RAB27A: variants seen among roughly 807,000 people sequenced by gnomAD.
RAB27A encodes the protein RAB27A, member RAS oncogene family.
A neutral mutation model predicts 20.8 loss-of-function variants in RAB27A; 17 were observed. The ratio of observed to expected loss-of-function variants is 0.82; its 90% confidence interval spans 0.56 to 1.23. The LOEUF (loss-of-function observed/expected upper bound fraction) is 1.23, where lower values mean the gene tolerates loss of function less well. Among genes scored for constraint, RAB27A ranks in the 50% most tolerant of loss-of-function variants. RAB27A has a pLI of 0.00. For synonymous variants in RAB27A, 85 were observed against 92.8 expected (o/e 0.92, Z 0.48); for missense variants, 277 against 266.7 (o/e 1.04, Z -0.27).
At chr15:55,314,499 G>A (rs2055035185) in intron 1 of RAB27A, among the ~76,000 whole-genome samples, 1 of 152,162 alleles carries the variant, frequency 6.6e-6, no homozygotes, top group South Asian at 2.1e-4. Flanking sequence ...CAGATGACAT[G>A]ATTGTGTATT....
chr15:55,318,504 A>C (rs2055082546), intron 1 of RAB27A, among the ~76,000 whole-genome samples: 2 of 149,704 alleles, frequency 1.3e-5, no homozygotes, highest in Non-Finnish European at 3.0e-5. Flanking sequence ...GGAGTTCCAG[A>C]CCAGCCAGGC....
chr15:55,208,248 T>C (rs1348310524), intron 6 of RAB27A, among the ~76,000 whole-genome samples: 2 of 152,254 alleles, frequency 1.3e-5, no homozygotes, highest in Non-Finnish European at 2.9e-5. Context: ...AGATCATTTG[T>C]GTGAAGACAA....
chr15:55,219,962 CA>C (rs889404448), intron 6 of RAB27A, among the ~76,000 whole-genome samples: 24 of 144,848 alleles, frequency 1.7e-4, no homozygotes, highest in Middle Eastern at 3.6e-3. Context: ...CAAACAACAA[CA>C]AAAAAAAAAA....
At chr15:55,315,959 C>T (rs1420789709) in intron 1 of RAB27A, among the ~76,000 whole-genome samples, 1 of 152,072 alleles carries the variant, frequency 6.6e-6, no homozygotes, top group East Asian at 1.9e-4. Flanking sequence ...CACGGCCAGG[C>T]GCGGTGGCTC....
At chr15:55,296,679 T>C (rs1366120364) in intron 2 of RAB27A, among the ~76,000 whole-genome samples, 1 of 126,930 alleles carries the variant, frequency 7.9e-6, no homozygotes, top group Non-Finnish European at 1.8e-5. Context: ...ATAATTTTGC[T>C]TTTTTTTTGG....
chr15:55,251,426 G>T (rs1896886261), intron 2 of RAB27A, among the ~76,000 whole-genome samples: 1 of 152,206 alleles, frequency 6.6e-6, no homozygotes. Context: ...TCGACCATGG[G>T]ATAGGAAACT....
intron 5 of RAB27A, among the ~76,000 whole-genome samples, chr15:55,224,923 AAGT>A (rs1200914484): frequency 4.6e-5 from 7 of 152,200 alleles, no homozygotes; most frequent in Non-Finnish European, 1.5e-5. Flanking sequence ...TGAGAAAGTC[AAGT>A]AGGCAGGTGT....
At chr15:55,245,391 T>C (rs8039960) in intron 2 of RAB27A, among the ~76,000 whole-genome samples, 10 of 152,300 alleles carry the variant, frequency 6.6e-5, no homozygotes, top group African/African-American at 2.4e-4. Context: ...CGGAGAGAAG[T>C]GGAAATCTAA....
intron 2 of RAB27A, chr15:55,238,342 A>G (rs1896346842): frequency 6.6e-6 from 1 of 152,094 alleles, no homozygotes; most frequent in South Asian, 2.1e-4. Flanking sequence ...ATAAATGCAC[A>G]TTGGGCTTTA....
chr15:55,303,003 C>G (rs2054980028), intron 2 of RAB27A, among the ~76,000 whole-genome samples: 1 of 144,494 alleles, frequency 6.9e-6, no homozygotes, highest in African/African-American at 2.7e-5. Context: ...CAACCCCCCG[C>G]CCGGCCAGCC....
At chr15:55,246,420 C>CT (rs57279802) in intron 2 of RAB27A, among the ~76,000 whole-genome samples, 45 of 149,522 alleles carry the variant, frequency 3.0e-4, no homozygotes, top group African/African-American at 8.6e-4. Flanking sequence ...GAGATATCGG[C>CT]TTTTTTTTTT....
At chr15:55,303,867 C>T (rs1252098799) in intron 2 of RAB27A, among the ~76,000 whole-genome samples, 4 of 141,648 alleles carry the variant, frequency 2.8e-5, no homozygotes, top group Admixed American at 2.0e-4. Flanking sequence ...CCCAGCCAGC[C>T]GGCCCGTCCG....
At chr15:55,298,692 T>C (rs1332485467) in intron 2 of RAB27A, among the ~76,000 whole-genome samples, 1 of 152,180 alleles carries the variant, frequency 6.6e-6, no homozygotes, top group African/African-American at 2.4e-5. Flanking sequence ...CTGGGAGCGC[T>C]ATGGGAGACT....
chr15:55,230,346 T>C, intron 4 of RAB27A, 55 bp downstream of exon 4: 2 of 1,489,118 alleles, frequency 1.3e-6, no homozygotes, highest in East Asian at 2.3e-5. Flanking sequence ...GTTTGAAGAA[T>C]GTAACTATTT....
intron 6 of RAB27A, among the ~76,000 whole-genome samples, chr15:55,221,999 C>G (rs948140072): frequency 6.6e-6 from 1 of 152,212 alleles, no homozygotes; most frequent in Non-Finnish European, 1.5e-5. Flanking sequence ...GTCCTTCAGG[C>G]TTCAGCATCA....
At chr15:55,305,073 G>T (rs117305714) in intron 2 of RAB27A, among the ~76,000 whole-genome samples, 7,762 of 152,160 alleles carry the variant, frequency 0.051, 276 homozygotes, top group East Asian at 0.15. Context: ...ATTTTAGTGA[G>T]ATCTCTTTAC....
chr15:55,233,709 C>G (rs1316643020), intron 3 of RAB27A, among the ~76,000 whole-genome samples: 1 of 152,104 alleles, frequency 6.6e-6, no homozygotes, highest in Non-Finnish European at 1.5e-5. Context: ...AGTGATGAAA[C>G]TATTCTAAAA....
intron 1 of RAB27A, among the ~76,000 whole-genome samples, chr15:55,278,482 ATTT>A (rs11290945): frequency 5.1e-5 from 7 of 137,420 alleles, no homozygotes; most frequent in Non-Finnish European, 4.7e-5. Context: ...AATCATTATT[ATTT>A]TTTTTTTTTT....
At chr15:55,295,775 AGTG>A (rs1266580124) in intron 2 of RAB27A, among the ~76,000 whole-genome samples, 2 of 152,172 alleles carry the variant, frequency 1.3e-5, no homozygotes, top group African/African-American at 4.8e-5. Flanking sequence ...ACTAGATAGA[AGTG>A]GTATTTGCAC....
Sources: allele counts gnomAD v4.1 joint callset (sites outside exome capture counted in the v4.1 genomes callset), GRCh38; gene constraint gnomAD v4.1.1; transcripts MANE v1.5; gene names NCBI Gene and HGNC (gene_info 2026-07-23, HGNC 2026-07-21).